Variants in NUP188 observed in about 807,000 individuals in gnomAD.
The protein encoded by NUP188 is nucleoporin NUP188.
NUP188 carries 97 observed loss-of-function variants against 223.0 expected under a neutral mutation model. That is an observed-to-expected ratio of 0.43 (90% CI 0.37 to 0.51). The LOEUF (loss-of-function observed/expected upper bound fraction) is 0.51. Among genes scored for constraint, NUP188 ranks in the 20% least tolerant of loss-of-function variants. The probability of loss-of-function intolerance (pLI) is 0.00; values close to 1 mark genes in which losing one functional copy is unlikely to be tolerated. For synonymous variants in NUP188, 869 were observed against 828.0 expected (o/e 1.05, Z -0.85); for missense variants, 1,947 against 2,175.6 (o/e 0.89, Z 2.09).
At chr9:128,956,075 A>G (rs2131140616) in intron 3 of NUP188, among the ~76,000 whole-genome samples, 2 of 152,042 alleles carry the variant, frequency 1.3e-5, no homozygotes, top group East Asian at 3.9e-4. Flanking sequence ...ATGTAACTTA[A>G]TGTGTTTACA....
chr9:128,991,174 T>C (rs1588286168), intron 25 of NUP188, among the ~76,000 whole-genome samples: 1 of 151,724 alleles, frequency 6.6e-6, no homozygotes, highest in Middle Eastern at 3.4e-3. Flanking sequence ...TTTTTTTTTT[T>C]TTTTTTTTGA....
chr9:128,960,128 A>C (rs1588270961), intron 8 of NUP188, among the ~76,000 whole-genome samples: 2 of 136,704 alleles, frequency 1.5e-5, no homozygotes, highest in African/African-American at 5.6e-5. Context: ...CAGTGGTGAG[A>C]TCTCCACTCA....
chr9:128,969,606 T>C, intron 10 of NUP188, 92 bp downstream of exon 10: 1 of 692,808 alleles, frequency 1.4e-6, no homozygotes. Flanking sequence ...TTCAGTGTTG[T>C]GGAACTACAT....
chr9:128,980,947 G>T (rs1842245494), intron 14 of NUP188, among the ~76,000 whole-genome samples: 1 of 152,158 alleles, frequency 6.6e-6, no homozygotes, highest in South Asian at 2.1e-4. Context: ...TAAGTATAAA[G>T]TTCCTTAATA....
chr9:128,974,237 C>A (rs997973276), intron 12 of NUP188, among the ~76,000 whole-genome samples: 1 of 151,768 alleles, frequency 6.6e-6, no homozygotes, highest in African/African-American at 2.4e-5. Context: ...GAAACCAGGT[C>A]TCAGTATATT....
intron 2 of NUP188, among the ~76,000 whole-genome samples, chr9:128,950,505 G>A (rs1320037492): frequency 1.3e-5 from 2 of 152,206 alleles, no homozygotes; most frequent in African/African-American, 2.4e-5. Flanking sequence ...GCAGGCATGA[G>A]CCACTGTGCC....
chr9:128,961,590 C>CTAGATAGATAGATAGATAGATAGA (rs547085125), intron 8 of NUP188, among the ~76,000 whole-genome samples: 2 of 138,124 alleles, frequency 1.4e-5, no homozygotes, highest in African/African-American at 5.9e-5. Flanking sequence ...ATCTATCTAT[C>CTAGATAGATAGATAGATAGATAGA]TAGATAGATA....
intron 8 of NUP188, among the ~76,000 whole-genome samples, chr9:128,968,007 A>G (rs1464533089): frequency 6.6e-6 from 1 of 152,138 alleles, no homozygotes; most frequent in African/African-American, 2.4e-5. Context: ...TACGCCTTTA[A>G]TCCCAGTGCT....
At chr9:128,953,372 A>G (rs1405497323) in intron 3 of NUP188, among the ~76,000 whole-genome samples, 1 of 152,210 alleles carries the variant, frequency 6.6e-6, no homozygotes, top group East Asian at 1.9e-4. Flanking sequence ...GTAGTTGCAA[A>G]TAAAGAGAAT....
intron 13 of NUP188, among the ~76,000 whole-genome samples, chr9:128,979,806 G>A (rs1416464246): frequency 3.9e-5 from 6 of 152,058 alleles, no homozygotes; most frequent in Non-Finnish European, 7.4e-5. Flanking sequence ...CTAATTTTTT[G>A]TATTTCTAGT....
intron 8 of NUP188, among the ~76,000 whole-genome samples, chr9:128,963,869 T>A (rs1278313190): frequency 6.6e-6 from 1 of 151,036 alleles, no homozygotes. Flanking sequence ...CAGGGTGGAG[T>A]GCAGTGGCAC....
intron 25 of NUP188, among the ~76,000 whole-genome samples, chr9:128,991,448 G>C (rs1842428497): frequency 6.6e-6 from 1 of 151,854 alleles, no homozygotes; most frequent in African/African-American, 2.4e-5. Context: ...CAGGAGAATC[G>C]CTTGAAACTG....
intron 15 of NUP188, among the ~76,000 whole-genome samples, chr9:128,981,875 C>G (rs567234306): frequency 6.6e-6 from 1 of 152,134 alleles, no homozygotes; most frequent in East Asian, 1.9e-4. Context: ...GTCGGGAGTT[C>G]GAGACCAGCC....
chr9:128,977,252 A>G (rs1842188891), intron 12 of NUP188, among the ~76,000 whole-genome samples: 1 of 151,192 alleles, frequency 6.6e-6, no homozygotes, highest in Admixed American at 6.6e-5. Context: ...CCCCAGCAGC[A>G]GGGACTACAG....
At chr9:129,004,919 A>G (rs950656763) in intron 38 of NUP188, 2 of 567,802 alleles carry the variant, frequency 3.5e-6, no homozygotes, top group African/African-American at 3.8e-5. Context: ...CTTAGTGGCT[A>G]TAGGGGCTTT....
chr9:128,956,182 GGTGTGTGT>G (rs60109270), intron 3 of NUP188, among the ~76,000 whole-genome samples, 160 bp from the exon 4 acceptor site: 47 of 134,724 alleles, frequency 3.5e-4, no homozygotes, highest in African/African-American at 9.7e-4. Flanking sequence ...GAGGTGAATG[GGTGTGTGT>G]GTGTGTGTGT....
intron 34 of NUP188, 123 bp from the exon 35 acceptor site, chr9:129,001,406 T>C: frequency 1.3e-6 from 1 of 785,904 alleles, no homozygotes; most frequent in East Asian, 2.5e-5. Flanking sequence ...TCTGTGTTAC[T>C]CAAGCTCACT....
intron 8 of NUP188, among the ~76,000 whole-genome samples, chr9:128,964,033 C>T (rs1039012829): frequency 6.6e-6 from 1 of 152,010 alleles, no homozygotes; most frequent in African/African-American, 2.4e-5. Flanking sequence ...CCAGGATGGT[C>T]TCAATCTCCT....
chr9:128,956,214 T>C (rs866210024), intron 3 of NUP188, 136 bp from the exon 4 acceptor site: 135 of 419,358 alleles, frequency 3.2e-4, no homozygotes, highest in Admixed American at 5.2e-4. Flanking sequence ...TGTGTGTGCG[T>C]GTGTGTGTTT....
Sources: gnomAD v4.1 joint callset for allele counts (sites outside exome capture counted in the v4.1 genomes callset) on GRCh38, gnomAD v4.1.1 for gene constraint, MANE v1.5 for transcripts, NCBI Gene and HGNC (gene_info 2026-07-23, HGNC 2026-07-21) for gene names.